Variants in DNAH9 observed in about 807,000 individuals in gnomAD.
DNAH9 encodes the protein DNAH9 variant protein.
DNAH9 carries 345 observed loss-of-function variants against 471.6 expected under a neutral mutation model. The ratio of observed to expected loss-of-function variants is 0.73; its 90% CI spans 0.67 to 0.80. The LOEUF (loss-of-function observed/expected upper bound fraction) is 0.80. Ranked by LOEUF, DNAH9 falls within the 30% of genes least tolerant of loss-of-function variation. The pLI is 0.00. For missense variants in DNAH9, 5,407 were observed against 5,609.2 expected, an observed-to-expected ratio of 0.96 and a Z score of 1.15; for synonymous variants, 2,093 against 2,123.6, an observed-to-expected ratio of 0.99 and a Z score of 0.40.
At chr17:11,656,918 C>A (rs186080304) in intron 14 of DNAH9, among the ~76,000 whole-genome samples, 90 of 152,094 alleles carry the variant, frequency 5.9e-4, no homozygotes, top group Middle Eastern at 6.8e-3. Context: ...GCATTTATTT[C>A]GAGTCTAATT....
At chr17:11,619,851 G>C (rs1021628025) in intron 6 of DNAH9, 70 bp downstream of exon 6, 2 of 875,134 alleles carry the variant, frequency 2.3e-6, no homozygotes, top group Non-Finnish European at 3.8e-6. Context: ...CCAAAAAGTG[G>C]AATAGGAAAA....
At chr17:11,953,605 A>G (rs2151442904) in intron 67 of DNAH9, among the ~76,000 whole-genome samples, 1 of 152,112 alleles carries the variant, frequency 6.6e-6, no homozygotes, top group Middle Eastern at 3.4e-3. Context: ...AGGTCAGGAG[A>G]TCAAGACCAT....
intron 59 of DNAH9, among the ~76,000 whole-genome samples, chr17:11,898,401 G>A (rs113978520): frequency 0.011 from 1,629 of 152,266 alleles, 34 homozygotes; most frequent in African/African-American, 0.037. Flanking sequence ...GATTACAGGC[G>A]TGAGCCGCCG....
intron 66 of DNAH9, among the ~76,000 whole-genome samples, chr17:11,938,434 G>A (rs1453971453): frequency 6.8e-6 from 1 of 146,490 alleles, no homozygotes; most frequent in Non-Finnish European, 1.5e-5. Context: ...ACTCCAGCCT[G>A]GTGACAGAGC....
rs563193684 is a variant in DNAH9 at position 11,879,930 on chromosome 17, G to T, written c.10479-148G>T. ...TCACATAAATATCACTTTACATAGG[G>T]AAGAAATGTGGCCACTGAAAACATT... On this transcript the variant is annotated intron_variant, in intron 53 of 68. Transcript: ENST00000262442. The T allele has an allele frequency of 4.7e-5, 39 of 836,172 alleles. No homozygotes were observed. The African/African-American group carries it at 5.9e-4, about 13-fold the overall frequency. 51.8% of individuals were successfully genotyped at this position (836,172 alleles called of 1,614,324 possible).
At position 11,835,364 on chromosome 17, in the gene DNAH9, A is replaced by G. The variant is rs536645556; in HGVS notation, c.9507+466A>G. ...TTTTATGTTAAATGTTTAAGATAAGAGAATAAAATAATATGTTAGCCTCAA... is the reference window on the plus strand; with the variant it reads ...TTTTATGTTAAATGTTTAAGATAAGGGAATAAAATAATATGTTAGCCTCAA... On this transcript the variant is annotated intron_variant, in intron 49 of 68. Transcript: ENST00000262442. Among the ~76,000 whole-genome samples the G allele has an allele frequency of 3.9e-5, 6 of 152,356 alleles. No homozygotes were observed. The South Asian group carries it at 1.2e-3, about 32-fold the overall frequency.
intron 12 of DNAH9, among the ~76,000 whole-genome samples, chr17:11,649,159 ACTTAT>A (rs951222918): frequency 3.3e-5 from 5 of 151,984 alleles, no homozygotes; most frequent in African/African-American, 1.2e-4. Context: ...ACAGTAACAC[ACTTAT>A]CTTATTAGTC....
At chr17:11,771,736 G>A (rs1223800896) in intron 38 of DNAH9, among the ~76,000 whole-genome samples, 1 of 152,120 alleles carries the variant, frequency 6.6e-6, no homozygotes, top group Non-Finnish European at 1.5e-5. Flanking sequence ...CAGATTACCA[G>A]CTCTGCCCAT....
chr17:11,931,592 G>A (rs1468832256), intron 63 of DNAH9, among the ~76,000 whole-genome samples: 2 of 152,094 alleles, frequency 1.3e-5, no homozygotes, highest in Admixed American at 6.5e-5. Flanking sequence ...TTAACTCCCA[G>A]GCAGTGATTA....
chr17:11,930,765 C>CAAAAAAAAAAAAAAAAAAAA (rs11371438), intron 63 of DNAH9, among the ~76,000 whole-genome samples: 1 of 125,218 alleles, frequency 8.0e-6, no homozygotes, highest in African/African-American at 3.2e-5. Flanking sequence ...ACTCCATCTC[C>CAAAAAAAAAAAAAAAAAAAA]AAAAAAAAAA....
intron 26 of DNAH9, among the ~76,000 whole-genome samples, chr17:11,712,073 TATAA>T (rs1398877866): frequency 0.06 from 46 of 764 alleles, 19 homozygotes; most frequent in Non-Finnish European, 0.46. Flanking sequence ...TTTGTATATA[TATAA>T]ATATATTTGT....
At position 11,690,010 on chromosome 17, in the gene DNAH9, C is replaced by T; in HGVS notation, c.4188C>T (p.Ser1396=). ...AGCTGATGCAGGCCACCGGTGTGAG[C>T]TTCACTATGGACCAGGACACCACCC... ...WRQLMQATGV[S]FTMDQDTTLA... is the part of the protein sequence containing the mutation. Residue 1396 remains serine, a synonymous_variant, in exon 20 of 69, where the codon AGC becomes AGT. Coordinates refer to ENST00000262442, the MANE Select transcript of DNAH9 (RefSeq NM_001372.4). The T allele has an allele frequency of 6.2e-7, 1 of 1,614,202 alleles. No homozygotes were observed. The highest frequency in any genetic ancestry group is 1.3e-5 in the African/African-American group (1 of 75,064).
chr17:11,893,195 A>AAAAAAT (rs1567881022), intron 58 of DNAH9, among the ~76,000 whole-genome samples: 3 of 150,650 alleles, frequency 2.0e-5, no homozygotes, highest in Non-Finnish European at 3.0e-5. Context: ...AAAAAAAAAA[A>AAAAAAT]TGTGGGCCCC....
chr17:11,742,418 T>C lies in DNAH9; in HGVS notation c.6111+105T>C, dbSNP rs577193662. ...AGGAAAACATACTCAAGCTTTCTCA[T>C]AGAAAGTCACTGTACCCATAAGCAT... On this transcript the variant is annotated intron_variant, in intron 30 of 68. Transcript: ENST00000262442. 509 of 1,187,754 alleles carry C rather than the reference T, an allele frequency of 4.3e-4. 9 individuals carry two copies. In the South Asian group the frequency reaches 6.7e-3, roughly 16 times the overall value. The allele number at this position is 1,187,754 out of a possible 1,614,324, so 73.6% of individuals were successfully genotyped here. A position where few individuals can be genotyped will look rare whatever the true frequency, so the allele number is the denominator to read the frequency against.
At chr17:11,772,039 A>G (rs1968226589) in intron 38 of DNAH9, among the ~76,000 whole-genome samples, 1 of 152,216 alleles carries the variant, frequency 6.6e-6, no homozygotes, top group African/African-American at 2.4e-5. Context: ...GTCTGACTTC[A>G]GAGCCTGTGC....
chr17:11,625,990 C>T (rs1299898852), intron 6 of DNAH9, among the ~76,000 whole-genome samples: 1 of 152,184 alleles, frequency 6.6e-6, no homozygotes, highest in Non-Finnish European at 1.5e-5. Flanking sequence ...TTCCCATCTA[C>T]AGGTTAGGAA....
chr17:11,913,125 A>G (rs985614410), intron 61 of DNAH9, among the ~76,000 whole-genome samples: 6 of 152,116 alleles, frequency 3.9e-5, no homozygotes, highest in African/African-American at 1.4e-4. Flanking sequence ...CCAAGGTTAC[A>G]CCACTGCACT....
chr17:11,826,816 C>G (rs1370250641), intron 48 of DNAH9, among the ~76,000 whole-genome samples: 1 of 136,316 alleles, frequency 7.3e-6, no homozygotes, highest in Non-Finnish European at 1.5e-5. Flanking sequence ...TGAGTCCCTA[C>G]TTTCTTTTTT....
chr17:11,960,525 G>A (rs955794710), intron 67 of DNAH9, among the ~76,000 whole-genome samples: 27 of 149,654 alleles, frequency 1.8e-4, no homozygotes, highest in African/African-American at 5.9e-4. Context: ...AGATTGAGGT[G>A]GGCAGATCAC....
Sources: gnomAD v4.1 joint callset for allele counts (sites outside exome capture counted in the v4.1 genomes callset) on GRCh38, gnomAD v4.1.1 for gene constraint, MANE v1.5 for transcripts, NCBI Gene and HGNC (gene_info 2026-07-23, HGNC 2026-07-21) for gene names.